KCNK9: variants seen among roughly 807,000 people sequenced by gnomAD.
The protein encoded by KCNK9 is potassium channel subfamily K member 9.
A neutral mutation model predicts 10.8 loss-of-function variants in KCNK9; 1 was observed. The ratio of observed to expected loss-of-function variants is 0.09; its 90% CI spans 0.03 to 0.44. KCNK9 has a LOEUF of 0.44. Ranked by LOEUF, KCNK9 falls within the 20% of genes least tolerant of loss-of-function variation. The pLI is 0.97. For synonymous variants in KCNK9, 231 were observed against 222.7 expected, an observed-to-expected ratio of 1.04 and a Z score of -0.33; for missense variants, 303 against 515.0, an observed-to-expected ratio of 0.59 and a Z score of 3.98.
intron 1 of KCNK9, among the ~76,000 whole-genome samples, chr8:139,700,680 C>T (rs1243873696): frequency 6.6e-6 from 1 of 152,170 alleles, no homozygotes; most frequent in Non-Finnish European, 1.5e-5. Flanking sequence ...AGTCCCACAG[C>T]CCCTGAGGCG....
intron 2 of KCNK9, among the ~76,000 whole-genome samples, chr8:139,606,876 GT>G (rs1346874800): frequency 6.6e-6 from 1 of 152,114 alleles, no homozygotes; most frequent in Non-Finnish European, 1.5e-5. Flanking sequence ...AAAATCAACA[GT>G]TTTGCCTAAC....
At position 139,657,476 on chromosome 8, in the gene KCNK9, C is replaced by T. The variant is rs1816049639; in HGVS notation, c.284-38377G>A. 2.0e-5 allele frequency among the ~76,000 whole-genome samples: 3 copies of T among 152,234 alleles called. No individual in the cohort carries two copies. The South Asian group carries it at 6.2e-4, about 32-fold the overall frequency. Reference sequence around the variant, plus strand: ...GACCTGTGGCAGCTGCCAGGGACACCACAGTGAACCCTCTCTGCCTGTGGA... The same window carrying T: ...GACCTGTGGCAGCTGCCAGGGACACTACAGTGAACCCTCTCTGCCTGTGGA... On this transcript the variant is annotated intron_variant, in intron 1 of 1. Transcript: ENST00000520439.
chr8:139,670,163 G>C (rs1262380064), intron 1 of KCNK9, among the ~76,000 whole-genome samples: 1 of 152,226 alleles, frequency 6.6e-6, no homozygotes. Context: ...GGGTGGAGCA[G>C]TCAGAACACA....
At chr8:139,616,033 C>T (rs1207249271), downstream of KCNK9, 4 of 152,144 alleles carry the variant, frequency 2.6e-5, no homozygotes, top group Non-Finnish European at 4.4e-5. Flanking sequence ...CTCCTGGGCT[C>T]CAGACTGAGA....
chr8:139,680,119 C>T (rs1287882202), intron 1 of KCNK9, among the ~76,000 whole-genome samples: 1 of 152,156 alleles, frequency 6.6e-6, no homozygotes, highest in African/African-American at 2.4e-5. Flanking sequence ...ATGCCCAAGG[C>T]CAGCAAGGGC....
At chr8:139,650,414 G>C (rs1236154239) in intron 1 of KCNK9, among the ~76,000 whole-genome samples, 1 of 151,956 alleles carries the variant, frequency 6.6e-6, no homozygotes, top group Non-Finnish European at 1.5e-5. Flanking sequence ...ATTATGAACA[G>C]AGCACCAAAG....
At chr8:139,604,859 G>T (rs1817452022) in intron 2 of KCNK9, among the ~76,000 whole-genome samples, 1 of 152,122 alleles carries the variant, frequency 6.6e-6, no homozygotes, top group Non-Finnish European at 1.5e-5. Flanking sequence ...GCCTGGCTTT[G>T]TGTGGCCAGG....
chr8:139,615,327 T>C (rs7011393), downstream of KCNK9, among the ~76,000 whole-genome samples: 1,342 of 152,294 alleles, frequency 8.8e-3, 17 homozygotes, highest in African/African-American at 0.031. Flanking sequence ...AGCTTCCTCC[T>C]GGCTTTGAGG....
intron 1 of KCNK9, among the ~76,000 whole-genome samples, chr8:139,643,627 G>A (rs2014005): frequency 0.45 from 68,814 of 152,092 alleles, 16,390 homozygotes; most frequent in African/African-American, 0.56. Context: ...GTCCCCTGGC[G>A]GCTGTCACCT....
chr8:139,663,230 G>C (rs1330734959), intron 1 of KCNK9, among the ~76,000 whole-genome samples: 1 of 151,968 alleles, frequency 6.6e-6, no homozygotes, highest in Non-Finnish European at 1.5e-5. Context: ...ACACACACAG[G>C]GTCCCAGTGA....
chr8:139,669,413 A>C (rs1394727240), intron 1 of KCNK9, among the ~76,000 whole-genome samples: 2 of 152,248 alleles, frequency 1.3e-5, no homozygotes, highest in African/African-American at 4.8e-5. Context: ...CTACTTCATC[A>C]ATTAAGTGTA....
At chr8:139,701,505 T>G in intron 1 of KCNK9, among the ~76,000 whole-genome samples, 2 of 147,980 alleles carry the variant, frequency 1.4e-5, no homozygotes, top group African/African-American at 2.5e-5. Flanking sequence ...GAGGAGGAGG[T>G]CCAGAGAAGC....
intron 1 of KCNK9, among the ~76,000 whole-genome samples, chr8:139,696,670 C>T (rs1407575503): frequency 6.6e-6 from 1 of 151,370 alleles, no homozygotes; most frequent in African/African-American, 2.4e-5. Context: ...GGAGGGAGTA[C>T]ACAGAAGGAT....
chr8:139,620,830 G>A (rs1289228927), intron 1 of KCNK9, among the ~76,000 whole-genome samples: 1 of 152,148 alleles, frequency 6.6e-6, no homozygotes, highest in African/African-American at 2.4e-5. Flanking sequence ...AAACAGAGAA[G>A]CTGAAATAAT....
intron 1 of KCNK9, among the ~76,000 whole-genome samples, chr8:139,658,262 C>T (rs1418263944): frequency 1.3e-5 from 2 of 152,166 alleles, no homozygotes; most frequent in African/African-American, 2.4e-5. Flanking sequence ...GTGAGCACTG[C>T]AGCCAGGGGC....
chr8:139,654,030 C>T (rs1002538024), intron 1 of KCNK9, among the ~76,000 whole-genome samples: 2 of 152,226 alleles, frequency 1.3e-5, no homozygotes, highest in Non-Finnish European at 2.9e-5. Context: ...AGTGGGTGTT[C>T]GGCCTGGACT....
At chr8:139,640,990 A>G (rs1195915498) in intron 1 of KCNK9, among the ~76,000 whole-genome samples, 1 of 152,142 alleles carries the variant, frequency 6.6e-6, no homozygotes, top group Non-Finnish European at 1.5e-5. Context: ...TTATTTTCAT[A>G]TGTGTGTTTC....
chr8:139,668,475 G>A (rs1346580373), intron 1 of KCNK9, among the ~76,000 whole-genome samples: 1 of 147,804 alleles, frequency 6.8e-6, no homozygotes, highest in Non-Finnish European at 1.5e-5. Context: ...AGGTTAGAGT[G>A]CAATGGCACG....
chr8:139,662,451 T>C (rs1816179430), intron 1 of KCNK9, among the ~76,000 whole-genome samples: 1 of 152,126 alleles, frequency 6.6e-6, no homozygotes, highest in South Asian at 2.1e-4. Flanking sequence ...CCCTGCTCTC[T>C]AGTGGCAGCT....
Sources: gnomAD v4.1 joint callset for allele counts (sites outside exome capture counted in the v4.1 genomes callset) on GRCh38, gnomAD v4.1.1 for gene constraint, MANE v1.5 for transcripts, NCBI Gene and HGNC (gene_info 2026-07-23, HGNC 2026-07-21) for gene names.